The following DPYSL3 variants were observed in gnomAD, a reference collection of about 807,000 sequenced individuals.
DPYSL3 encodes the protein dihydropyrimidinase-related protein 3.
DPYSL3 carries 16 observed loss-of-function variants against 66.1 expected under a neutral mutation model. The observed-to-expected ratio is 0.24, with a 90% CI of 0.16 to 0.37. The LOEUF is 0.37. Ranked by LOEUF, DPYSL3 falls within the 10% of genes least tolerant of loss-of-function variation. The pLI is 1.00. For synonymous variants in DPYSL3, 338 were observed against 345.1 expected (o/e 0.98, Z 0.23); for missense variants, 738 against 916.2 (o/e 0.81, Z 2.51).
At chr5:147,449,958 T>G (rs1581200716) in intron 1 of DPYSL3, among the ~76,000 whole-genome samples, 1 of 152,192 alleles carries the variant, frequency 6.6e-6, no homozygotes, top group Non-Finnish European at 1.5e-5. Flanking sequence ...GTGGGATTTG[T>G]TGACAGTGAC....
At chr5:147,453,673 C>T in intron 1 of DPYSL3, 1 of 1,466,576 alleles carries the variant, frequency 6.8e-7, no homozygotes, top group South Asian at 1.4e-5. Context: ...CACAGCGCCC[C>T]GAGATCAGGT....
At chr5:147,400,981 G>T in intron 9 of DPYSL3, 148 bp from the exon 10 acceptor site, 1 of 1,100,924 alleles carries the variant, frequency 9.1e-7, no homozygotes, top group Non-Finnish European at 1.2e-6. Context: ...ATATGAGCTT[G>T]GATGAGTTTC....
At chr5:147,444,014 C>CCACT (rs2126378159) in intron 1 of DPYSL3, among the ~76,000 whole-genome samples, 1 of 152,190 alleles carries the variant, frequency 6.6e-6, no homozygotes, top group East Asian at 1.9e-4. Flanking sequence ...ATAACCTACA[C>CCACT]CACTCATACC....
intron 1 of DPYSL3, chr5:147,453,657 TCAGCGCA>T (rs1752786609): frequency 5.4e-6 from 8 of 1,493,658 alleles, no homozygotes; most frequent in East Asian, 2.8e-5. Context: ...CGCGCCTTCC[TCAGCGCA>T]CAGCGCCCCG....
chr5:147,482,150 T>C (rs965728051), intron 1 of DPYSL3, among the ~76,000 whole-genome samples: 6 of 152,178 alleles, frequency 3.9e-5, no homozygotes, highest in African/African-American at 1.2e-4. Flanking sequence ...AGCAACAACA[T>C]GCAAGGATAC....
chr5:147,500,668 A>G (rs990540224), intron 1 of DPYSL3, among the ~76,000 whole-genome samples: 8 of 152,214 alleles, frequency 5.3e-5, no homozygotes, highest in Non-Finnish European at 1.5e-5. Flanking sequence ...TTAAAAAATG[A>G]GCCAAAGAGC....
intron 1 of DPYSL3, among the ~76,000 whole-genome samples, chr5:147,481,452 C>A (rs1753242607): frequency 6.6e-6 from 1 of 152,190 alleles, no homozygotes; most frequent in African/African-American, 2.4e-5. Context: ...GGGTCAGAGA[C>A]AAATGACTTT....
At chr5:147,443,334 C>T (rs1342207560) in intron 1 of DPYSL3, among the ~76,000 whole-genome samples, 2 of 152,150 alleles carry the variant, frequency 1.3e-5, no homozygotes, top group East Asian at 3.9e-4. Context: ...TTTGCAGGGA[C>T]ATGGATGAAG....
intron 6 of DPYSL3, 62 bp from the exon 7 acceptor site, chr5:147,408,858 T>C (rs1047871791): frequency 6.7e-7 from 1 of 1,500,022 alleles, no homozygotes; most frequent in Non-Finnish European, 9.3e-7. Flanking sequence ...AAAATTACGC[T>C]GGTATGTTCT....
At chr5:147,472,561 C>T (rs1315909811) in intron 1 of DPYSL3, 3 of 152,158 alleles carry the variant, frequency 2.0e-5, no homozygotes, top group African/African-American at 7.2e-5. Context: ...GCTATATGAA[C>T]ACCAGGTCTG....
intron 1 of DPYSL3, among the ~76,000 whole-genome samples, chr5:147,429,137 T>C (rs1196157656): frequency 6.6e-6 from 1 of 152,104 alleles, no homozygotes; most frequent in Admixed American, 6.5e-5. Flanking sequence ...ATATAAAGAA[T>C]GATGATACCA....
At chr5:147,417,858 G>A (rs892876566) in intron 3 of DPYSL3, among the ~76,000 whole-genome samples, 1 of 152,138 alleles carries the variant, frequency 6.6e-6, no homozygotes, top group African/African-American at 2.4e-5. Context: ...AAATGCAAGT[G>A]GAAGTCAAAG....
At chr5:147,427,856 T>C (rs1752226064) in intron 1 of DPYSL3, among the ~76,000 whole-genome samples, 1 of 152,198 alleles carries the variant, frequency 6.6e-6, no homozygotes, top group African/African-American at 2.4e-5. Flanking sequence ...CTCAATGCTT[T>C]CCTGATTTTC....
chr5:147,509,443 A>C lies in DPYSL3; in HGVS notation c.381+35T>G, dbSNP rs1175564047. On this transcript the variant is annotated intron_variant, in intron 1 of 13. Transcript: ENST00000343218. The surrounding 1 kb of genome is among the most constrained non-coding windows in gnomAD (Gnocchi z 5.3). ...GCGGCCAGGGCTGGAGAAAGGAACGAAGGCAAGGAGGGAAGTGACCCGGGG... is the reference window on the plus strand; with the variant it reads ...GCGGCCAGGGCTGGAGAAAGGAACGCAGGCAAGGAGGGAAGTGACCCGGGG... 4.8e-6 allele frequency: 7 copies of C among 1,468,298 alleles called. No homozygotes were observed. Among genetic ancestry groups the C allele is most frequent in the Non-Finnish European group, 6.3e-6 (7 of 1,114,168 alleles). 91.0% of individuals were successfully genotyped at this position (1,468,298 alleles called of 1,614,324 possible). A position where few individuals can be genotyped will look rare whatever the true frequency, so the allele number is the denominator to read the frequency against.
chr5:147,410,575 C>A (rs919204623), intron 6 of DPYSL3, among the ~76,000 whole-genome samples: 1 of 152,074 alleles, frequency 6.6e-6, no homozygotes, highest in Non-Finnish European at 1.5e-5. Flanking sequence ...GGAAAGGAAC[C>A]CTGTCTTTTA....
rs552358213 is a variant in DPYSL3, at chr5:147,403,444, C to A, written c.1154-1748G>T. 7.9e-5 allele frequency among the ~76,000 whole-genome samples: 12 copies of A among 152,206 alleles called. No homozygotes were observed. In the East Asian group the frequency reaches 2.3e-3, roughly 29 times the overall value. ...TAGTAATTACACCTAGATTTGAATACCAGCTCTCCCAGCTGGGAGATCCTG... is the reference window on the plus strand; with the variant it reads ...TAGTAATTACACCTAGATTTGAATAACAGCTCTCCCAGCTGGGAGATCCTG... On this transcript the variant is annotated intron_variant, in intron 8 of 13. Coordinates refer to ENST00000343218, the MANE Select transcript of DPYSL3 (RefSeq NM_001197294.2).
At chr5:147,485,020 G>C (rs1010459032) in intron 1 of DPYSL3, among the ~76,000 whole-genome samples, 1 of 152,184 alleles carries the variant, frequency 6.6e-6, no homozygotes, top group Admixed American at 6.5e-5. Flanking sequence ...CAGCCCATGA[G>C]AGTTTTAGTC....
intron 1 of DPYSL3, among the ~76,000 whole-genome samples, chr5:147,481,591 T>C (rs1338611837): frequency 1.3e-5 from 2 of 152,226 alleles, no homozygotes; most frequent in Non-Finnish European, 2.9e-5. Flanking sequence ...AAAGTATGTA[T>C]TGCAAACGTA....
chr5:147,435,472 C>T (rs1448542963), intron 1 of DPYSL3, among the ~76,000 whole-genome samples: 2 of 152,202 alleles, frequency 1.3e-5, no homozygotes, highest in Non-Finnish European at 2.9e-5. Context: ...CCAATGGTAT[C>T]GATGCAAGAA....
Sources: allele counts gnomAD v4.1 joint callset (sites outside exome capture counted in the v4.1 genomes callset), GRCh38; gene constraint gnomAD v4.1.1; non-coding constraint Gnocchi (gnomAD v3.1); transcripts MANE v1.5; gene names NCBI Gene and HGNC (gene_info 2026-07-23, HGNC 2026-07-21).